Variants in RBPMS2 observed in about 807,000 individuals in gnomAD.
RBPMS2 encodes RNA-binding protein with multiple splicing 2.
Under a neutral mutation model 25.7 loss-of-function variants are expected in RBPMS2, and 14 were observed. The observed-to-expected ratio is 0.55, with a 90% CI of 0.36 to 0.85. RBPMS2 has a LOEUF of 0.85. RBPMS2 is among the 40% of genes least tolerant of loss of function. RBPMS2 has a pLI of 0.01. For synonymous variants in RBPMS2, 127 were observed against 115.6 expected (o/e 1.10, Z -0.63); for missense variants, 252 against 283.4 (o/e 0.89, Z 0.80).
chr15:64,751,726 C>G lies in RBPMS2; in HGVS notation c.88-88G>C, dbSNP rs2083683462. The G allele has an allele frequency of 2.8e-6, 3 of 1,060,018 alleles. No individual in the cohort carries two copies. In the East Asian group the frequency reaches 7.2e-5, roughly 25 times the overall value. 65.7% of individuals were successfully genotyped at this position (1,060,018 alleles called of 1,614,324 possible). Reference sequence around the variant, plus strand: ...CTTCCTTCAGGCAGGCAACTGGAATCCTTCTAGAGCTTAGAGGAATTCAGC... The same window carrying G: ...CTTCCTTCAGGCAGGCAACTGGAATGCTTCTAGAGCTTAGAGGAATTCAGC... On this transcript the variant is annotated intron_variant, in intron 1 of 7. Transcript: ENST00000300069.
chr15:64,753,200 T>C (rs1181466637), intron 1 of RBPMS2, among the ~76,000 whole-genome samples: 1 of 152,190 alleles, frequency 6.6e-6, no homozygotes, highest in African/African-American at 2.4e-5. Context: ...CATCTCCTCC[T>C]GCGAAGCCAA....
intron 1 of RBPMS2, among the ~76,000 whole-genome samples, chr15:64,754,843 C>T (rs896189825): frequency 1.3e-5 from 2 of 152,200 alleles, no homozygotes; most frequent in Non-Finnish European, 2.9e-5. Flanking sequence ...CCTCCAACAC[C>T]TCACCCCAGA....
chr15:64,742,743 G>T (rs2083574556), intron 6 of RBPMS2, among the ~76,000 whole-genome samples: 1 of 152,174 alleles, frequency 6.6e-6, no homozygotes, highest in Non-Finnish European at 1.5e-5. Flanking sequence ...ATGAGCGTGT[G>T]GCAGGAAAGG....
chr15:64,774,082 G>A lies in RBPMS2; in HGVS notation c.87+1151C>T, dbSNP rs546012894. Among the ~76,000 whole-genome samples, 10 of 152,338 alleles carry A rather than the reference G, an allele frequency of 6.6e-5. No homozygotes were observed. In the South Asian group the frequency reaches 1.2e-3, roughly 19 times the overall value. ...GAATAGCCGAGTGGGAGCTGGCGGC[G>A]CTGAGCCCAGCCCAGCCGAGGGCCA... On this transcript the variant is annotated intron_variant, in intron 1 of 7. Transcript: ENST00000300069.
intron 1 of RBPMS2, among the ~76,000 whole-genome samples, chr15:64,760,681 A>T (rs1024430009): frequency 1.3e-5 from 2 of 152,008 alleles, no homozygotes; most frequent in African/African-American, 4.8e-5. Context: ...CACGCCTGTA[A>T]TCCCAGCTAC....
intron 6 of RBPMS2, among the ~76,000 whole-genome samples, chr15:64,746,726 C>T (rs373444891): frequency 1.2e-4 from 19 of 152,366 alleles, no homozygotes; most frequent in African/African-American, 4.6e-4. Flanking sequence ...TTGTCCCTGG[C>T]TCCCAACCTC....
intron 1 of RBPMS2, among the ~76,000 whole-genome samples, chr15:64,772,076 A>G (rs564068236): frequency 6.6e-6 from 1 of 152,334 alleles, no homozygotes; most frequent in South Asian, 2.1e-4. Context: ...ATTTATTTGT[A>G]TTATTTTTTA....
In RBPMS2 at chr15:64,764,201, T is replaced by C. The variant is rs555657808; in HGVS notation, c.87+11032A>G. ...CCACCTCCTGCAGCCTTCTTGGTGC[T>C]GTGTGGCCAGCTAACACAGATCTAC... On this transcript the variant is annotated intron_variant, in intron 1 of 7. Transcript: ENST00000300069. Among the ~76,000 whole-genome samples, 18 of 152,290 alleles carry C rather than the reference T, an allele frequency of 1.2e-4. 1 individual carries two copies. In the East Asian group the frequency reaches 3.5e-3, roughly 29 times the overall value.
At chr15:64,742,073 G>A (rs2083567929) in intron 6 of RBPMS2, among the ~76,000 whole-genome samples, 1 of 151,956 alleles carries the variant, frequency 6.6e-6, no homozygotes, top group Non-Finnish European at 1.5e-5. Flanking sequence ...CTGAGGCAAG[G>A]AGAATCGCTC....
rs143995546 is a variant in RBPMS2, at chr15:64,759,611, C to A, written c.88-7973G>T. On this transcript the variant is annotated intron_variant, in intron 1 of 7. Coordinates refer to ENST00000300069, the MANE Select transcript of RBPMS2 (RefSeq NM_194272.3). Reference sequence around the variant, plus strand: ...TTCAGGAGCAAAGTATCAGGAGCACCCAAGACACCAGCACAAATCCAGGCT... The same window carrying A: ...TTCAGGAGCAAAGTATCAGGAGCACACAAGACACCAGCACAAATCCAGGCT... Among the ~76,000 whole-genome samples the A allele has an allele frequency of 5.9e-3, 892 of 152,182 alleles. 4 individuals carry two copies. Among genetic ancestry groups the A allele is most frequent in the Non-Finnish European group, 6.4e-3 (437 of 67,980 alleles).
At chr15:64,770,820 C>T (rs529726412) in intron 1 of RBPMS2, among the ~76,000 whole-genome samples, 12 of 152,130 alleles carry the variant, frequency 7.9e-5, no homozygotes, top group African/African-American at 2.9e-4. Context: ...AGTCTAAGCA[C>T]CTGTTCACCC....
At chr15:64,747,750 C>G (rs933143282) in intron 6 of RBPMS2, among the ~76,000 whole-genome samples, 3 of 152,206 alleles carry the variant, frequency 2.0e-5, no homozygotes, top group Non-Finnish European at 1.5e-5. Flanking sequence ...ATTGGGCACC[C>G]AGCCCAGCAC....
chr15:64,744,812 T>G lies in RBPMS2; in HGVS notation c.568-3570A>C, dbSNP rs868078686. ...TGGTTTGTTTTGTTTTTTTTTTTTT[T>G]TTTTTTTTTTTTTTTTTTTTGAGAC... On this transcript the variant is annotated intron_variant, in intron 6 of 7. Transcript: ENST00000300069. Among the ~76,000 whole-genome samples the G allele has an allele frequency of 7.8e-4, 84 of 107,780 alleles. 2 individuals carry two copies. The highest frequency in any genetic ancestry group is 5.2e-3 in the South Asian group (14 of 2,694). The allele number at this position is 107,780 out of a possible 152,430, so 70.7% of individuals were successfully genotyped here. A position where few individuals can be genotyped will look rare whatever the true frequency, so the allele number is the denominator to read the frequency against.
chr15:64,764,243 T>C (rs2083820535), intron 1 of RBPMS2, among the ~76,000 whole-genome samples: 1 of 152,174 alleles, frequency 6.6e-6, no homozygotes. Flanking sequence ...CCTGTGTGCC[T>C]GGCAAGGGTT....
At chr15:64,742,020 C>T (rs1035932538) in intron 6 of RBPMS2, among the ~76,000 whole-genome samples, 9 of 152,010 alleles carry the variant, frequency 5.9e-5, no homozygotes, top group African/African-American at 2.2e-4. Flanking sequence ...ACAAATTAGC[C>T]GGGCGTAGTG....
chr15:64,752,329 G>A (rs891264475), intron 1 of RBPMS2, among the ~76,000 whole-genome samples: 24 of 152,192 alleles, frequency 1.6e-4, no homozygotes, highest in African/African-American at 4.8e-4. Context: ...TGGTCGAGGG[G>A]AGGAGCAAAG....
intron 6 of RBPMS2, among the ~76,000 whole-genome samples, chr15:64,743,645 G>GA (rs55780909): frequency 0.87 from 132,693 of 152,022 alleles, 59,095 homozygotes; most frequent in East Asian, 0.96. Flanking sequence ...TGCCCAGGGG[G>GA]GGGGGGGCTC....
rs115183676 is a variant in RBPMS2, at chr15:64,755,435, C to A, written c.88-3797G>T. Among the ~76,000 whole-genome samples the A allele has an allele frequency of 2.8e-3, 428 of 152,236 alleles. 1 individual carries two copies. Among genetic ancestry groups the A allele is most frequent in the African/African-American group, 9.9e-3 (410 of 41,528 alleles). ...CACCCGCCTTGGTTCCTACTAGATT[C>A]CAGCCACCCCAGCAGATGACATCTT... On this transcript the variant is annotated intron_variant, in intron 1 of 7. Coordinates refer to ENST00000300069, the MANE Select transcript of RBPMS2 (RefSeq NM_194272.3).
At chr15:64,749,912 T>C (rs1330348486) in intron 3 of RBPMS2, among the ~76,000 whole-genome samples, 1 of 152,214 alleles carries the variant, frequency 6.6e-6, no homozygotes, top group Non-Finnish European at 1.5e-5. Context: ...GGTTGAAAAC[T>C]GCTCCAACTT....
Sources: allele counts gnomAD v4.1 joint callset (sites outside exome capture counted in the v4.1 genomes callset), GRCh38; gene constraint gnomAD v4.1.1; transcripts MANE v1.5; gene names NCBI Gene and HGNC (gene_info 2026-07-23, HGNC 2026-07-21).